WWP2: variants seen among roughly 807,000 people sequenced by gnomAD.
The protein encoded by WWP2 is WW domain containing E3 ubiquitin protein ligase 2, also known as NEDD4-like E3 ubiquitin-protein ligase WWP2.
WWP2 carries 57 observed loss-of-function variants against 121.0 expected under a neutral mutation model. That is an observed-to-expected ratio of 0.47 (90% CI 0.38 to 0.59). The LOEUF (loss-of-function observed/expected upper bound fraction) is 0.59. Among genes scored for constraint, WWP2 ranks in the 20% least tolerant of loss-of-function variants. The pLI, the probability that WWP2 is intolerant of heterozygous loss-of-function variation, is 0.00. For missense variants in WWP2, 962 were observed against 1,158.9 expected (o/e 0.83, Z 2.47); for synonymous variants, 449 against 441.3 (o/e 1.02, Z -0.22).
At chr16:69,840,341 G>A (rs982833572) in intron 5 of WWP2, 78 bp downstream of exon 5, 42 of 1,587,654 alleles carry the variant, frequency 2.6e-5, no homozygotes, top group Non-Finnish European at 3.6e-5. Flanking sequence ...CTGAGAGCTT[G>A]GTTCTTACTA....
At position 69,925,192 on chromosome 16, in the gene WWP2, C is replaced by T; in HGVS notation, c.1180-238C>T. ...CCTCCTCCCCGTCGCTCTGCCTTTTCCAAAACTCACTTGGGCCCTCCGTGC... is the reference window on the plus strand; with the variant it reads ...CCTCCTCCCCGTCGCTCTGCCTTTTTCAAAACTCACTTGGGCCCTCCGTGC... On this transcript the variant is annotated intron_variant, in intron 10 of 23. Transcript: ENST00000359154. This position sits in a 1 kb window ranked among gnomAD's most constrained non-coding sequence, Gnocchi z 4.0. 7.4e-7 allele frequency: 1 copy of T among 1,346,854 alleles called. No individual in the cohort carries two copies. The highest frequency in any genetic ancestry group is 9.5e-7 in the Non-Finnish European group (1 of 1,048,094). 83.4% of individuals were successfully genotyped at this position (1,346,854 alleles called of 1,614,324 possible).
At position 69,840,168 on chromosome 16, in the gene WWP2, A is replaced by G. The variant is rs2056950770; in HGVS notation, c.383A>G (p.Lys128Arg). Residue 128 changes from lysine to arginine, a missense_variant, in exon 5 of 24, where the codon AAA becomes AGA. By Grantham distance (26) the Lys-to-Arg change is conservative (BLOSUM62 2). Around this residue, in one of 3 missense-constraint regions of WWP2, gnomAD observed 145 missense variants for 189.8 expected, o/e 0.76. Coordinates refer to ENST00000359154, the MANE Select transcript of WWP2 (RefSeq NM_001270454.2). ...QLTLNLQTEN[K>R]GSVVSGGELT... ...ACCCTGAACCTGCAGACGGAGAACA[A>G]AGGCAGCGTTGTCTCAGGCGGAGAG... 5.6e-6 allele frequency: 9 copies of G among 1,614,254 alleles called. No individual in the cohort carries two copies. The highest frequency in any genetic ancestry group is 7.6e-6 in the Non-Finnish European group (9 of 1,180,042).
chr16:69,904,496 G>A (rs914537471), intron 8 of WWP2, among the ~76,000 whole-genome samples: 4 of 151,782 alleles, frequency 2.6e-5, no homozygotes, highest in Non-Finnish European at 4.4e-5. Context: ...AGTCTCCTGA[G>A]TAGGTACGAT....
intron 4 of WWP2, among the ~76,000 whole-genome samples, chr16:69,809,524 T>C (rs1288913759): frequency 6.6e-6 from 1 of 152,074 alleles, no homozygotes; most frequent in African/African-American, 2.4e-5. Context: ...CCCAGCACTT[T>C]GGGAGGCCAA....
chr16:69,827,498 T>G (rs1291753735), intron 4 of WWP2, among the ~76,000 whole-genome samples: 1 of 152,276 alleles, frequency 6.6e-6, no homozygotes, highest in Non-Finnish European at 1.5e-5. Context: ...GTCCCTCATC[T>G]GAAATTATAA....
intron 11 of WWP2, among the ~76,000 whole-genome samples, chr16:69,928,731 G>A (rs550735441): frequency 2.6e-5 from 4 of 152,192 alleles, no homozygotes; most frequent in Non-Finnish European, 4.4e-5. Context: ...ACAACATAGC[G>A]AGACCCTGTC....
chr16:69,798,989 T>C, intron 3 of WWP2, 160 bp downstream of exon 3: 8 of 1,329,768 alleles, frequency 6.0e-6, no homozygotes, highest in Non-Finnish European at 8.2e-6. Context: ...ACCATTGAGC[T>C]CATAGAGCGT....
At chr16:69,829,561 C>T (rs1416782414) in intron 4 of WWP2, among the ~76,000 whole-genome samples, 1 of 152,188 alleles carries the variant, frequency 6.6e-6, no homozygotes, top group East Asian at 1.9e-4. Context: ...CCTGGATGGT[C>T]TTCCTCCCTG....
Position 69,840,265 on chromosome 16 carries a change from T to C in WWP2, c.478+2T>C. On this transcript the variant is annotated splice_donor_variant, in intron 5 of 23. Coordinates refer to ENST00000359154, the MANE Select transcript of WWP2 (RefSeq NM_001270454.2). LOFTEE classifies it high-confidence loss of function. ...CTAATGGCAGTGCCCTGACAGATGG[T>C]GAGTGCCGCCCTGCTCCTCAGGACT... 6.2e-7 allele frequency: 1 copy of C among 1,613,918 alleles called. No individual in the cohort carries two copies. Among genetic ancestry groups the C allele is most frequent in the Non-Finnish European group, 8.5e-7 (1 of 1,179,950 alleles).
intron 4 of WWP2, among the ~76,000 whole-genome samples, chr16:69,800,875 T>G (rs995885663): frequency 6.6e-6 from 1 of 150,906 alleles, no homozygotes; most frequent in East Asian, 2.0e-4. Context: ...TGATAGTTAT[T>G]CTTAATGTTT....
At chr16:69,819,418 G>A (rs145232831) in intron 4 of WWP2, among the ~76,000 whole-genome samples, 2,974 of 152,074 alleles carry the variant, frequency 0.02, 41 homozygotes, top group Non-Finnish European at 0.031. Flanking sequence ...CAGATCCCTC[G>A]GGCCACAGGT....
intron 8 of WWP2, among the ~76,000 whole-genome samples, chr16:69,904,067 C>T (rs962911639): frequency 3.3e-5 from 5 of 152,198 alleles, no homozygotes; most frequent in African/African-American, 7.2e-5. Context: ...CTGCCATTGG[C>T]GCTCAGCGCT....
At chr16:69,827,860 C>T (rs1276269837) in intron 4 of WWP2, 1 of 455,150 alleles carries the variant, frequency 2.2e-6, no homozygotes, top group Non-Finnish European at 4.4e-6. Flanking sequence ...ATTCTAAAGA[C>T]TTAACCTTCC....
intron 4 of WWP2, among the ~76,000 whole-genome samples, chr16:69,810,348 G>T (rs551488313): frequency 2.2e-4 from 34 of 152,250 alleles, no homozygotes; most frequent in Non-Finnish European, 4.3e-4. Flanking sequence ...CAAAAGTGCT[G>T]GTTTGCCTCT....
chr16:69,802,537 A>G (rs2056190800), intron 4 of WWP2, among the ~76,000 whole-genome samples: 1 of 151,624 alleles, frequency 6.6e-6, no homozygotes, highest in Non-Finnish European at 1.5e-5. Context: ...GGCTTATTTC[A>G]GTCAGCATAA....
chr16:69,769,108 G>A (rs543042793), intron 1 of WWP2, among the ~76,000 whole-genome samples: 1 of 152,120 alleles, frequency 6.6e-6, no homozygotes, highest in African/African-American at 2.4e-5. Context: ...CATGAGGTCA[G>A]GAGATCGAGA....
intron 9 of WWP2, among the ~76,000 whole-genome samples, chr16:69,915,820 G>T (rs952146200): frequency 6.6e-6 from 1 of 152,102 alleles, no homozygotes; most frequent in African/African-American, 2.4e-5. Flanking sequence ...GATTGCTTGA[G>T]CCCAGGAGTT....
intron 1 of WWP2, 93 bp downstream of exon 1, chr16:69,762,484 C>T (rs1306696353): frequency 4.8e-5 from 7 of 147,348 alleles, no homozygotes; most frequent in East Asian, 2.0e-4. Flanking sequence ...CCGGGGGCGG[C>T]GCGGCCCGGG....
intron 16 of WWP2, chr16:69,933,191 A>G (rs752688147): frequency 1.5e-5 from 7 of 472,414 alleles, no homozygotes; most frequent in South Asian, 1.1e-4. Context: ...CTCTGCGTCG[A>G]CGGACTCCTC....
Sources: gnomAD v4.1 joint callset for allele counts (sites outside exome capture counted in the v4.1 genomes callset) on GRCh38, gnomAD v4.1.1 for gene constraint, gnomAD v4.1.1 regional missense constraint, Gnocchi (gnomAD v3.1) non-coding constraint, MANE v1.5 for transcripts, NCBI Gene and HGNC (gene_info 2026-07-23, HGNC 2026-07-21) for gene names.